SYT3: variants seen among roughly 807,000 people sequenced by gnomAD.
SYT3 encodes synaptotagmin-3.
SYT3 carries 25 observed loss-of-function variants against 50.6 expected under a neutral mutation model. The observed-to-expected ratio is 0.49, with a 90% CI of 0.36 to 0.69. The LOEUF is 0.69. Ranked by LOEUF, SYT3 falls within the 30% of genes least tolerant of loss-of-function variation. The pLI, the probability that SYT3 is intolerant of heterozygous loss-of-function variation, is 0.00. For missense variants in SYT3, 589 were observed against 793.6 expected (o/e 0.74, Z 3.10); for synonymous variants, 323 against 353.9 (o/e 0.91, Z 0.98).
Position 50,637,527 on chromosome 19 carries a change from A to C in SYT3, c.-15-101T>G. ...AAGGGTGGAAAGAGACACCGAGAAA[A>C]GGAAGGATGGGCAAAGGGGACAGAG... On this transcript the variant is annotated intron_variant, in intron 2 of 10. Coordinates refer to ENST00000600079, the MANE Select transcript of SYT3 (RefSeq NM_001160329.2). The surrounding 1 kb of genome is among the most constrained non-coding windows in gnomAD (Gnocchi z 4.9). The C allele has an allele frequency of 9.4e-7, 1 of 1,067,330 alleles. No homozygotes were observed. Among genetic ancestry groups the C allele is most frequent in the Non-Finnish European group, 1.3e-6 (1 of 754,212 alleles). 66.1% of individuals were successfully genotyped at this position (1,067,330 alleles called of 1,614,324 possible). A position where few individuals can be genotyped will look rare whatever the true frequency, so the allele number is the denominator to read the frequency against.
intron 9 of SYT3, among the ~76,000 whole-genome samples, chr19:50,623,613 CAAAAA>C (rs529397903): frequency 6.4e-4 from 59 of 91,562 alleles, no homozygotes; most frequent in African/African-American, 2.2e-3. Flanking sequence ...CCTGTCTCTA[CAAAAA>C]AAAAAAAAAA....
chr19:50,624,999 G>T (rs1983990208), intron 9 of SYT3, 163 bp downstream of exon 9: 1 of 627,764 alleles, frequency 1.6e-6, no homozygotes, highest in Non-Finnish European at 2.4e-6. Flanking sequence ...AGAGCGCTTG[G>T]GTAACTGGCT....
At chr19:50,631,718 G>T (rs1984312870) in intron 4 of SYT3, among the ~76,000 whole-genome samples, 1 of 151,732 alleles carries the variant, frequency 6.6e-6, no homozygotes, top group Non-Finnish European at 1.5e-5. Flanking sequence ...TCTCCCAGTT[G>T]CGGTTCCCTG....
chr19:50,637,170 A>G lies in SYT3; in HGVS notation c.148+94T>C. ...GGGGGCAAGACGCTACGAGGGACTG[A>G]CCCCACAAGCAATGGAAAGCTGAGC... On this transcript the variant is annotated intron_variant, in intron 3 of 10. Coordinates refer to ENST00000600079, the MANE Select transcript of SYT3 (RefSeq NM_001160329.2). The surrounding 1 kb of genome is among the most constrained non-coding windows in gnomAD (Gnocchi z 4.9). 2.7e-6 allele frequency: 4 copies of G among 1,463,284 alleles called. No homozygotes were observed. Among genetic ancestry groups the G allele is most frequent in the Non-Finnish European group, 3.7e-6 (4 of 1,067,142 alleles). The allele number at this position is 1,463,284 out of a possible 1,614,324, so 90.6% of individuals were successfully genotyped here.
chr19:50,652,348 C>G, the SYT3 span, among the ~76,000 whole-genome samples: 1 of 152,122 alleles, frequency 6.6e-6, no homozygotes, highest in Non-Finnish European at 1.5e-5. Flanking sequence ...AAACACAAGT[C>G]CCTGCCCTTA....
At chr19:50,642,615 C>G (rs1183400589), upstream of SYT3, among the ~76,000 whole-genome samples, 1 of 152,204 alleles carries the variant, frequency 6.6e-6, no homozygotes, top group Non-Finnish European at 1.5e-5. Context: ...TGGCAGATCA[C>G]CTGAGGTCGG....
At chr19:50,646,810 A>ATTATTTATTTAT in the SYT3 span, among the ~76,000 whole-genome samples, 12 of 150,784 alleles carry the variant, frequency 8.0e-5, no homozygotes, top group South Asian at 2.1e-4. Context: ...TGTGGGAGGG[A>ATTATTTATTTAT]TTATTTATTT....
the SYT3 span, among the ~76,000 whole-genome samples, chr19:50,648,635 C>T: frequency 7.0e-4 from 72 of 103,320 alleles, no homozygotes; most frequent in South Asian, 2.7e-3. Flanking sequence ...CCCTCAGACC[C>T]AGGAGTCCAG....
At chr19:50,653,573 C>T in the SYT3 span, among the ~76,000 whole-genome samples, 2 of 151,748 alleles carry the variant, frequency 1.3e-5, no homozygotes, top group African/African-American at 2.4e-5. Context: ...GTCTACCGCA[C>T]GTGTGTGTGT....
rs759062700 is a variant in SYT3 at position 50,625,525 on chromosome 19, C to T, written c.1442G>A (p.Arg481His). The change falls in exon 8 of 11, where the codon CGT becomes CAT. Residue 481 changes from arginine to histidine, a missense_variant. Physicochemically the swap from Arg to His is conservative, Grantham distance 29. Transcript: ENST00000600079. This position sits in a 1 kb window ranked among gnomAD's most constrained non-coding sequence, Gnocchi z 7.5. ...GATGGAGGTTTTCCGCTTCTTCAGA[C>T]GCCGCCCCTCGCTGATCAGGGAGGC... ...VKASLISEGRRLKKRKTSIKK... is the reference protein window; with the variant it reads ...VKASLISEGRHLKKRKTSIKK... 1.0e-5 allele frequency: 16 copies of T among 1,605,576 alleles called. No homozygotes were observed. Among genetic ancestry groups the T allele is most frequent in the Admixed American group, 1.7e-5 (1 of 58,422 alleles).
intron 5 of SYT3, 43 bp downstream of exon 5, chr19:50,629,741 T>G: frequency 8.3e-7 from 1 of 1,205,520 alleles, no homozygotes; most frequent in Non-Finnish European, 1.1e-6. Context: ...GAGCCCTAGC[T>G]CCCTCTCTGT....
intron 4 of SYT3, among the ~76,000 whole-genome samples, chr19:50,631,091 C>G (rs1984284717): frequency 6.6e-6 from 1 of 152,102 alleles, no homozygotes; most frequent in Non-Finnish European, 1.5e-5. Context: ...GACCCTCAGG[C>G]GGGCACTCAA....
At chr19:50,631,575 C>T (rs1039815117) in intron 4 of SYT3, among the ~76,000 whole-genome samples, 1 of 152,126 alleles carries the variant, frequency 6.6e-6, no homozygotes, top group Non-Finnish European at 1.5e-5. Context: ...TCTCGTTCTC[C>T]TCTTGTCTTT....
At chr19:50,623,827 G>A (rs1983942992) in intron 9 of SYT3, among the ~76,000 whole-genome samples, 1 of 150,766 alleles carries the variant, frequency 6.6e-6, no homozygotes, top group Non-Finnish European at 1.5e-5. Flanking sequence ...TAATAATAAT[G>A]CAAGATTTTA....
At chr19:50,624,000 T>C (rs1983951574) in intron 9 of SYT3, among the ~76,000 whole-genome samples, 1 of 151,894 alleles carries the variant, frequency 6.6e-6, no homozygotes, top group Admixed American at 6.6e-5. Context: ...TCCTGCTCCA[T>C]TGCCCAGGCT....
rs530096900 is a variant in SYT3 at position 50,629,541 on chromosome 19, C to A, written c.1063-29G>T. On this transcript the variant is annotated intron_variant, in intron 5 of 10. Transcript: ENST00000600079. The stretch of plus-strand genomic sequence containing the variant: ...GTGGTGGTGGGCGACAGGAGACAGA[C>A]ACCGTGCCCATAAGCCCCTCCTCCA... 5.0e-5 allele frequency: 80 copies of A among 1,594,228 alleles called. 1 individual carries two copies. In the South Asian group the frequency reaches 8.8e-4, roughly 18 times the overall value.
At chr19:50,644,596 A>G (rs1984733101), upstream of SYT3, among the ~76,000 whole-genome samples, 1 of 151,740 alleles carries the variant, frequency 6.6e-6, no homozygotes, top group Non-Finnish European at 1.5e-5. Flanking sequence ...AAATAGACGA[A>G]GGGATGAATG....
At chr19:50,654,802 A>AT in the SYT3 span, among the ~76,000 whole-genome samples, 1 of 151,274 alleles carries the variant, frequency 6.6e-6, no homozygotes, top group African/African-American at 2.4e-5. Flanking sequence ...GATAATTAAA[A>AT]ATTTTTTTTT....
intron 9 of SYT3, among the ~76,000 whole-genome samples, chr19:50,624,031 T>C (rs1001923567): frequency 2.0e-5 from 3 of 151,520 alleles, no homozygotes; most frequent in Non-Finnish European, 2.9e-5. Context: ...GGTGAGATCA[T>C]AGCTCACTGC....
Sources: allele counts gnomAD v4.1 joint callset (sites outside exome capture counted in the v4.1 genomes callset), GRCh38; gene constraint gnomAD v4.1.1; non-coding constraint Gnocchi (gnomAD v3.1); transcripts MANE v1.5; gene names NCBI Gene and HGNC (gene_info 2026-07-23, HGNC 2026-07-21).